CDKAL1: variants seen among roughly 807,000 people sequenced by gnomAD.
CDKAL1 encodes CDKAL1 threonylcarbamoyladenosine tRNA methylthiotransferase, also known as threonylcarbamoyladenosine tRNA methylthiotransferase.
A neutral mutation model predicts 68.2 loss-of-function variants in CDKAL1; 32 were observed. The ratio of observed to expected loss-of-function variants is 0.47; its 90% CI spans 0.35 to 0.63. The LOEUF is 0.63. CDKAL1 is among the 30% of genes least tolerant of loss of function. The pLI, the probability that CDKAL1 is intolerant of heterozygous loss-of-function variation, is 0.00. For missense variants in CDKAL1, 606 were observed against 696.7 expected (o/e 0.87, Z 1.47); for synonymous variants, 234 against 244.3 (o/e 0.96, Z 0.39).
chr6:21,055,434 G>A (rs893114114), intron 11 of CDKAL1, among the ~76,000 whole-genome samples: 3 of 151,674 alleles, frequency 2.0e-5, no homozygotes, highest in African/African-American at 2.4e-5. Context: ...GGTTTATTAT[G>A]TAGGTAAACG....
chr6:20,867,450 A>G (rs922876639), intron 9 of CDKAL1, among the ~76,000 whole-genome samples: 5 of 152,240 alleles, frequency 3.3e-5, no homozygotes, highest in African/African-American at 9.6e-5. Flanking sequence ...GTGAATGTTC[A>G]AAAAACACGA....
chr6:20,897,610 T>G (rs986193225), intron 9 of CDKAL1, among the ~76,000 whole-genome samples: 28 of 152,196 alleles, frequency 1.8e-4, no homozygotes, highest in African/African-American at 6.8e-4. Flanking sequence ...CAGTTATATA[T>G]TCAGATAAGT....
intron 11 of CDKAL1, among the ~76,000 whole-genome samples, chr6:21,041,740 G>A (rs1039687034): frequency 1.3e-5 from 2 of 151,760 alleles, no homozygotes; most frequent in East Asian, 3.9e-4. Context: ...TGATGAATAG[G>A]GACTTAATGC....
intron 15 of CDKAL1, among the ~76,000 whole-genome samples, chr6:21,212,085 G>C (rs1779173383): frequency 6.6e-6 from 1 of 152,160 alleles, no homozygotes; most frequent in African/African-American, 2.4e-5. Flanking sequence ...TTTTGGGCAT[G>C]AGCATAGTAT....
chr6:21,114,339 G>C (rs1406627754), intron 13 of CDKAL1, among the ~76,000 whole-genome samples: 2 of 151,484 alleles, frequency 1.3e-5, no homozygotes, highest in Non-Finnish European at 2.9e-5. Flanking sequence ...TGAGATAAAA[G>C]ATGAGGAAAG....
At chr6:21,101,154 T>C (rs982654119) in intron 12 of CDKAL1, among the ~76,000 whole-genome samples, 4 of 152,134 alleles carry the variant, frequency 2.6e-5, no homozygotes, top group Non-Finnish European at 5.9e-5. Context: ...AAATGACTGA[T>C]AGAATTGAGA....
intron 9 of CDKAL1, among the ~76,000 whole-genome samples, chr6:20,925,103 C>T (rs922009873): frequency 1.3e-5 from 2 of 152,174 alleles, no homozygotes; most frequent in South Asian, 4.1e-4. Flanking sequence ...CCATGGGCAT[C>T]CCAACCTTCA....
chr6:20,684,259 T>C (rs1412776437), intron 5 of CDKAL1, among the ~76,000 whole-genome samples: 1 of 152,144 alleles, frequency 6.6e-6, no homozygotes, highest in Non-Finnish European at 1.5e-5. Flanking sequence ...CTGGCCAACA[T>C]GGCAAAACCC....
chr6:20,599,940 T>C (rs918862676), intron 4 of CDKAL1, among the ~76,000 whole-genome samples: 1 of 152,156 alleles, frequency 6.6e-6, no homozygotes, highest in African/African-American at 2.4e-5. Flanking sequence ...GTCAGAAACA[T>C]GTCTGACAAT....
At chr6:20,763,334 G>A (rs1347680312) in intron 7 of CDKAL1, among the ~76,000 whole-genome samples, 1 of 152,128 alleles carries the variant, frequency 6.6e-6, no homozygotes, top group Non-Finnish European at 1.5e-5. Context: ...TTGCCTCTGG[G>A]ATGGAAACAG....
At chr6:21,108,373 T>G in intron 12 of CDKAL1, 28 bp from the exon 13 acceptor site, 2 of 1,551,152 alleles carry the variant, frequency 1.3e-6, no homozygotes, top group Non-Finnish European at 1.8e-6. Flanking sequence ...GTATGTTGGT[T>G]TTTTGTTTTT....
intron 13 of CDKAL1, among the ~76,000 whole-genome samples, chr6:21,185,665 A>G (rs947237504): frequency 6.6e-6 from 1 of 152,216 alleles, no homozygotes; most frequent in Non-Finnish European, 1.5e-5. Context: ...GTGTGTGCAC[A>G]TAGCAAATTA....
intron 9 of CDKAL1, among the ~76,000 whole-genome samples, chr6:20,860,933 A>ATTT (rs70990075): frequency 0.028 from 3,820 of 134,148 alleles, 78 homozygotes; most frequent in African/African-American, 0.059. Context: ...AGTGTGGTCT[A>ATTT]TTTTTTTTTT....
chr6:21,062,803 TTGAC>T (rs1409941486), intron 11 of CDKAL1, among the ~76,000 whole-genome samples: 1 of 152,250 alleles, frequency 6.6e-6, no homozygotes, highest in Non-Finnish European at 1.5e-5. Context: ...ATATAATAAT[TTGAC>T]TGTCCTCATT....
At chr6:21,046,229 G>A (rs1434656667) in intron 11 of CDKAL1, among the ~76,000 whole-genome samples, 2 of 152,234 alleles carry the variant, frequency 1.3e-5, no homozygotes, top group African/African-American at 4.8e-5. Flanking sequence ...ATTCACATGT[G>A]ACTAATGTTA....
In CDKAL1 at chr6:20,988,182, ATG is replaced by A. The variant is rs58720900; in HGVS notation, c.910-12009_910-12008del. ...TCAAAGTCCTTCAAAGAAACATAAT[ATG>A]TGTGTGTGTGTGTGTGTGTGTGTGT... On this transcript the variant is annotated intron_variant, in intron 10 of 15. Transcript: ENST00000274695. Among the ~76,000 whole-genome samples, 818 of 137,480 alleles carry A rather than the reference ATG, an allele frequency of 5.9e-3. 9 individuals are homozygous for A. The highest frequency in any genetic ancestry group is 0.02 in the African/African-American group (736 of 37,420). 90.2% of individuals were successfully genotyped at this position (137,480 alleles called of 152,430 possible).
chr6:20,815,487 T>A (rs1323567328), intron 8 of CDKAL1, among the ~76,000 whole-genome samples: 1 of 152,112 alleles, frequency 6.6e-6, no homozygotes, highest in African/African-American at 2.4e-5. Flanking sequence ...GAAGTTTGTA[T>A]AATCTCTTTT....
chr6:20,756,925 C>CCTTCCTTCCT lies in CDKAL1; in HGVS notation c.469-1670_469-1669insCTTCCTTCCT, dbSNP rs1561750830. Among the ~76,000 whole-genome samples the CCTTCCTTCCT allele has an allele frequency of 3.4e-4, 35 of 102,624 alleles. 3 individuals are homozygous for CCTTCCTTCCT. Among genetic ancestry groups the CCTTCCTTCCT allele is most frequent in the East Asian group, 2.6e-3 (7 of 2,680 alleles). 67.3% of individuals were successfully genotyped at this position (102,624 alleles called of 152,430 possible). A position where few individuals can be genotyped will look rare whatever the true frequency, so the allele number is the denominator to read the frequency against. On this transcript the variant is annotated intron_variant, in intron 6 of 15. Coordinates refer to ENST00000274695, the MANE Select transcript of CDKAL1 (RefSeq NM_017774.3). ...CTTCCTTCCTTCCTTCCTTCCTTCC[C>CCTTCCTTCCT]TCCTTCCCTTCCTTCCCTCCTTCCT...
At chr6:20,930,565 A>C (rs1211101919) in intron 9 of CDKAL1, among the ~76,000 whole-genome samples, 1 of 152,204 alleles carries the variant, frequency 6.6e-6, no homozygotes, top group Non-Finnish European at 1.5e-5. Flanking sequence ...TCCAGTAAAC[A>C]AAACCCATGT....
Sources: gnomAD v4.1 joint callset for allele counts (sites outside exome capture counted in the v4.1 genomes callset) on GRCh38, gnomAD v4.1.1 for gene constraint, MANE v1.5 for transcripts, NCBI Gene and HGNC (gene_info 2026-07-23, HGNC 2026-07-21) for gene names.